The following DSE variants were observed in gnomAD, a reference collection of about 807,000 sequenced individuals.
The protein encoded by DSE is dermatan-sulfate epimerase.
Under a neutral mutation model 84.4 loss-of-function variants are expected in DSE, and 36 were observed. That is an observed-to-expected ratio of 0.43 (90% CI 0.33 to 0.56). The LOEUF (loss-of-function observed/expected upper bound fraction) is 0.56. Ranked by LOEUF, DSE falls within the 20% of genes least tolerant of loss-of-function variation. The pLI, the probability that DSE is intolerant of heterozygous loss-of-function variation, is 0.06. For synonymous variants in DSE, 410 were observed against 430.1 expected (o/e 0.95, Z 0.58); for missense variants, 862 against 1,169.6 (o/e 0.74, Z 3.84).
chr6:116,279,764 G>C (rs201525958), intron 2 of DSE: 21 of 1,612,506 alleles, frequency 1.3e-5, no homozygotes, highest in Non-Finnish European at 1.7e-5. Flanking sequence ...CTCGGGACTT[G>C]GTCAGAAATA....
chr6:116,395,316 T>C (rs1234607075), intron 1 of DSE, among the ~76,000 whole-genome samples: 1 of 152,090 alleles, frequency 6.6e-6, no homozygotes, highest in African/African-American at 2.4e-5. Flanking sequence ...TCCCAGCTAC[T>C]GGGGAGGCTG....
intron 2 of DSE, chr6:116,278,738 A>G: frequency 6.2e-7 from 1 of 1,614,158 alleles, no homozygotes; most frequent in South Asian, 1.1e-5. Context: ...CGAATGAAGG[A>G]CTGGGGTTCA....
intron 1 of DSE, among the ~76,000 whole-genome samples, chr6:116,382,252 C>T (rs1021634314): frequency 1.3e-5 from 2 of 152,064 alleles, no homozygotes; most frequent in African/African-American, 2.4e-5. Flanking sequence ...AAAATTTAAC[C>T]TTTAACAGAC....
intron 2 of DSE, among the ~76,000 whole-genome samples, chr6:116,307,531 A>G (rs544884011): frequency 6.6e-6 from 1 of 152,342 alleles, no homozygotes; most frequent in South Asian, 2.1e-4. Flanking sequence ...TATGCTTATA[A>G]TAATTGAGAA....
chr6:116,342,435 C>G (rs538762877), intron 2 of DSE, among the ~76,000 whole-genome samples: 343 of 152,172 alleles, frequency 2.3e-3, no homozygotes, highest in Non-Finnish European at 4.3e-3. Context: ...GCACATGCCA[C>G]CACACCTGGC....
intron 2 of DSE, among the ~76,000 whole-genome samples, chr6:116,285,685 A>G (rs1398993777): frequency 1.3e-5 from 2 of 152,156 alleles, no homozygotes; most frequent in African/African-American, 2.4e-5. Flanking sequence ...TCCATCTTGA[A>G]TTAATTTTTG....
At chr6:116,298,673 G>T (rs528074139) in intron 2 of DSE, among the ~76,000 whole-genome samples, 143 of 152,330 alleles carry the variant, frequency 9.4e-4, no homozygotes, top group Non-Finnish European at 1.9e-3. Flanking sequence ...CACTACGTGT[G>T]TGATAATGTT....
intron 2 of DSE, chr6:116,288,439 T>G (rs1774069672): frequency 6.6e-6 from 1 of 152,078 alleles, no homozygotes; most frequent in Non-Finnish European, 1.5e-5. Flanking sequence ...ATATAATCCC[T>G]GTGGATTAGA....
At chr6:116,409,337 T>C (rs2115019223) in intron 2 of DSE, among the ~76,000 whole-genome samples, 1 of 152,262 alleles carries the variant, frequency 6.6e-6, no homozygotes, top group East Asian at 1.9e-4. Flanking sequence ...AGTGCAGTGG[T>C]GTGATCTTGG....
At chr6:116,279,707 C>A (rs1393709931) in intron 2 of DSE, 1 of 1,611,152 alleles carries the variant, frequency 6.2e-7, no homozygotes, top group East Asian at 2.2e-5. Context: ...ACCTGTGTCG[C>A]CTCGCTTTGG....
intron 2 of DSE, among the ~76,000 whole-genome samples, chr6:116,419,292 A>G (rs1782925225): frequency 6.6e-6 from 1 of 152,244 alleles, no homozygotes; most frequent in Non-Finnish European, 1.5e-5. Context: ...TTAACATATT[A>G]CTAACATTTA....
intron 2 of DSE, among the ~76,000 whole-genome samples, chr6:116,356,177 G>A (rs1397554238): frequency 6.6e-6 from 1 of 152,126 alleles, no homozygotes. Flanking sequence ...AAGGTAATGG[G>A]GTGGGCTCAG....
chr6:116,302,185 T>G (rs9372459), intron 2 of DSE, among the ~76,000 whole-genome samples: 148,903 of 152,272 alleles, frequency 0.98, 72,905 homozygotes, highest in East Asian at 1. Context: ...GGTATTTCTG[T>G]TTCTCGATCC....
intron 2 of DSE, among the ~76,000 whole-genome samples, chr6:116,425,531 G>A (rs1054820879): frequency 2.6e-4 from 39 of 152,142 alleles, no homozygotes; most frequent in African/African-American, 9.4e-4. Flanking sequence ...ACACTAATTT[G>A]CAGAATAATA....
At chr6:116,355,733 T>A (rs554019304) in intron 2 of DSE, 13 of 152,300 alleles carry the variant, frequency 8.5e-5, no homozygotes. Context: ...CAGTCTACAA[T>A]GCAAATACTA....
chr6:116,404,457 C>G (rs1057009611), intron 2 of DSE, among the ~76,000 whole-genome samples: 3 of 152,186 alleles, frequency 2.0e-5, no homozygotes, highest in East Asian at 3.8e-4. Flanking sequence ...TTTGTAAACC[C>G]TGAGGAACAG....
At chr6:116,364,790 T>A (rs1304094238) in intron 2 of DSE, among the ~76,000 whole-genome samples, 1 of 152,058 alleles carries the variant, frequency 6.6e-6, no homozygotes, top group Admixed American at 6.6e-5. Context: ...TATTCTCTAA[T>A]TAATACTTCC....
At chr6:116,419,826 A>C (rs989631305) in intron 2 of DSE, among the ~76,000 whole-genome samples, 3 of 152,262 alleles carry the variant, frequency 2.0e-5, no homozygotes, top group Non-Finnish European at 4.4e-5. Context: ...TACGAAGTAA[A>C]TATTTTATAG....
intron 1 of DSE, among the ~76,000 whole-genome samples, chr6:116,392,525 G>A (rs1262515790): frequency 6.6e-6 from 1 of 152,192 alleles, no homozygotes; most frequent in East Asian, 1.9e-4. Flanking sequence ...AGCTTGGCGG[G>A]TGTGGTGGCA....
Sources: allele counts gnomAD v4.1 joint callset (sites outside exome capture counted in the v4.1 genomes callset), GRCh38; gene constraint gnomAD v4.1.1; transcripts MANE v1.5; gene names NCBI Gene and HGNC (gene_info 2026-07-23, HGNC 2026-07-21).